PCDH15: variants seen among roughly 807,000 people sequenced by gnomAD.
PCDH15 encodes protocadherin related 15.
A neutral mutation model predicts 178.5 loss-of-function variants in PCDH15; 129 were observed. The ratio of observed to expected loss-of-function variants is 0.72; its 90% CI spans 0.63 to 0.84. The LOEUF is 0.84. PCDH15 is among the 40% of genes least tolerant of loss of function. The probability of loss-of-function intolerance (pLI) is 0.00; values close to 1 mark genes in which losing one functional copy is unlikely to be tolerated. For missense variants in PCDH15, 2,230 were observed against 2,099.9 expected (o/e 1.06, Z -1.21); for synonymous variants, 800 against 732.0 (o/e 1.09, Z -1.50).
chr10:54,020,712 A>T (rs2092895317), intron 19 of PCDH15, among the ~76,000 whole-genome samples: 1 of 151,870 alleles, frequency 6.6e-6, no homozygotes, highest in Admixed American at 6.6e-5. Flanking sequence ...TGTTGACGTT[A>T]TTACTGTATC....
chr10:53,968,184 A>G (rs927274727), intron 21 of PCDH15, among the ~76,000 whole-genome samples: 1 of 152,140 alleles, frequency 6.6e-6, no homozygotes, highest in African/African-American at 2.4e-5. Flanking sequence ...GTCTTAGCAA[A>G]CGGCCCACCA....
chr10:54,458,404 C>T (rs979758736), intron 3 of PCDH15, among the ~76,000 whole-genome samples: 4 of 152,110 alleles, frequency 2.6e-5, no homozygotes, highest in African/African-American at 7.2e-5. Context: ...AAGCCTTTCA[C>T]AATTTAACTT....
intron 2 of PCDH15, among the ~76,000 whole-genome samples, chr10:55,164,491 A>G (rs1291331782): frequency 6.6e-6 from 1 of 151,224 alleles, no homozygotes; most frequent in Non-Finnish European, 1.5e-5. Flanking sequence ...TGCTGTAAGA[A>G]AAATAATTAA....
At chr10:54,823,636 T>C (rs1371555562) in intron 3 of PCDH15, among the ~76,000 whole-genome samples, 1 of 152,142 alleles carries the variant, frequency 6.6e-6, no homozygotes, top group Non-Finnish European at 1.5e-5. Flanking sequence ...TATTAATGGC[T>C]ATACTGTATT....
At chr10:54,083,709 G>T (rs540106502) in intron 16 of PCDH15, among the ~76,000 whole-genome samples, 1 of 152,240 alleles carries the variant, frequency 6.6e-6, no homozygotes, top group East Asian at 1.9e-4. Context: ...GACAGAGTTG[G>T]TAGGTGCATG....
At chr10:54,010,181 T>A (rs1412169582) in intron 20 of PCDH15, among the ~76,000 whole-genome samples, 1 of 151,994 alleles carries the variant, frequency 6.6e-6, no homozygotes, top group Non-Finnish European at 1.5e-5. Flanking sequence ...TTTTTGCTCT[T>A]AGGCTTGGGA....
chr10:55,529,207 G>C (rs1841386630), intron 2 of PCDH15, among the ~76,000 whole-genome samples: 1 of 151,972 alleles, frequency 6.6e-6, no homozygotes, highest in African/African-American at 2.4e-5. Context: ...AGTTTCTTTT[G>C]CTATGCAGAA....
At chr10:54,444,241 A>G (rs1039877479) in intron 3 of PCDH15, among the ~76,000 whole-genome samples, 1 of 151,720 alleles carries the variant, frequency 6.6e-6, no homozygotes, top group Admixed American at 6.6e-5. Context: ...TTTGCTTCAC[A>G]TCATAACCAT....
At position 54,023,034 on chromosome 10, in the gene PCDH15, G is replaced by T. The variant is rs1276619226; in HGVS notation, c.2384C>A (p.Ala795Glu). ...TAGAGTTGAATGACGAGGGTGTACT[G>T]CTCCATCTGTTGCCACAACAACAAG... ...YELVVVATDG[A>E]VHPRHSTLTL... The change falls in exon 19 of 38, where the codon GCA becomes GAA. Residue 795 changes from alanine to glutamate, a missense_variant. Transcript: ENST00000644397. The T allele has an allele frequency of 3.1e-6, 5 of 1,613,832 alleles. No homozygotes were observed. In the African/African-American group the frequency reaches 5.3e-5, roughly 17 times the overall value.
At chr10:54,003,863 T>G (rs191192901) in intron 20 of PCDH15, among the ~76,000 whole-genome samples, 1 of 151,824 alleles carries the variant, frequency 6.6e-6, no homozygotes, top group Non-Finnish European at 1.5e-5. Flanking sequence ...GGCAATCTCC[T>G]TGATGAATAT....
At chr10:54,895,784 G>GA (rs1954534457) in intron 3 of PCDH15, among the ~76,000 whole-genome samples, 1 of 152,108 alleles carries the variant, frequency 6.6e-6, no homozygotes, top group Non-Finnish European at 1.5e-5. Flanking sequence ...AGAACAAGCT[G>GA]AATCAGTCAA....
intron 13 of PCDH15, among the ~76,000 whole-genome samples, chr10:54,155,877 G>A (rs1166232079): frequency 6.6e-6 from 1 of 151,904 alleles, no homozygotes; most frequent in Non-Finnish European, 1.5e-5. Flanking sequence ...GATGTTGAAT[G>A]GAGTTGTAGT....
intron 21 of PCDH15, among the ~76,000 whole-genome samples, chr10:53,993,220 T>C (rs1437970132): frequency 6.6e-6 from 1 of 152,244 alleles, no homozygotes; most frequent in African/African-American, 2.4e-5. Context: ...ATATTAAGAA[T>C]TTTTTCTACA....
At chr10:54,606,940 G>A (rs1256342227) in intron 2 of PCDH15, 1 of 151,994 alleles carries the variant, frequency 6.6e-6, no homozygotes, top group Non-Finnish European at 1.5e-5. Context: ...CTATTCTAAA[G>A]CTTTTAATGA....
chr10:54,009,437 T>C (rs187765022), intron 20 of PCDH15, among the ~76,000 whole-genome samples: 2 of 152,192 alleles, frequency 1.3e-5, no homozygotes, highest in Admixed American at 6.5e-5. Context: ...ACAGTATCCA[T>C]AGAAGAAATG....
intron 12 of PCDH15, 105 bp from the exon 13 acceptor site, chr10:54,183,698 T>G: frequency 7.5e-7 from 1 of 1,332,718 alleles, no homozygotes; most frequent in Non-Finnish European, 1.1e-6. Flanking sequence ...ATCTTACAAT[T>G]TGAAAGGGTG....
intron 2 of PCDH15, among the ~76,000 whole-genome samples, chr10:55,422,445 A>G (rs1838645319): frequency 6.6e-6 from 1 of 151,912 alleles, no homozygotes; most frequent in Admixed American, 6.6e-5. Flanking sequence ...TTTTACCTAT[A>G]TGGTATGTCA....
At chr10:55,182,949 G>A (rs1316081106) in intron 1 of PCDH15, among the ~76,000 whole-genome samples, 2 of 152,012 alleles carry the variant, frequency 1.3e-5, no homozygotes, top group East Asian at 1.9e-4. Context: ...AATCCAGGTG[G>A]GCAGAAACTG....
chr10:53,942,553 C>T (rs1337537397), intron 23 of PCDH15, among the ~76,000 whole-genome samples: 1 of 152,132 alleles, frequency 6.6e-6, no homozygotes, highest in African/African-American at 2.4e-5. Context: ...TGGGTATATC[C>T]CTCACTGGAT....
Sources: gnomAD v4.1 joint callset for allele counts (sites outside exome capture counted in the v4.1 genomes callset) on GRCh38, gnomAD v4.1.1 for gene constraint, MANE v1.5 for transcripts, NCBI Gene and HGNC (gene_info 2026-07-23, HGNC 2026-07-21) for gene names.